ZSWIM4: variants seen among roughly 807,000 people sequenced by gnomAD.
The protein encoded by ZSWIM4 is zinc finger SWIM domain-containing protein 4.
Under a neutral mutation model 102.5 loss-of-function variants are expected in ZSWIM4, and 62 were observed. That is an observed-to-expected ratio of 0.60 (90% confidence interval 0.49 to 0.75). The LOEUF (loss-of-function observed/expected upper bound fraction) is 0.75. Ranked by LOEUF, ZSWIM4 falls within the 30% of genes least tolerant of loss-of-function variation. ZSWIM4 has a pLI of 0.00. For missense variants in ZSWIM4, 1,280 were observed against 1,529.6 expected (o/e 0.84, Z 2.72); for synonymous variants, 652 against 674.5 (o/e 0.97, Z 0.52).
In ZSWIM4 at chr19:13,799,777, T is replaced by G. The variant is rs1007398542; in HGVS notation, c.211T>G (p.Ser71Ala). The G allele has an allele frequency of 1.2e-6, 2 of 1,614,034 alleles. No homozygotes were observed. The highest frequency in any genetic ancestry group is 1.7e-6 in the Non-Finnish European group (2 of 1,180,012). ...CGTCCAGAAGCGCATCGTGTTTTGGTCGTTTCCACGCAGTGAACGGGAAAT... is the reference window on the plus strand; with the variant it reads ...CGTCCAGAAGCGCATCGTGTTTTGGGCGTTTCCACGCAGTGAACGGGAAAT... ...EPVQKRIVFWSFPRSEREICM... is the reference protein window; with the variant it reads ...EPVQKRIVFWAFPRSEREICM... The change falls in exon 2 of 14, where the codon TCG becomes GCG. Residue 71 changes from serine to alanine, a missense_variant. By Grantham distance (99) the Ser-to-Ala change is moderately conservative. Transcript: ENST00000590508.
chr19:13,830,944 T>G lies in ZSWIM4; in HGVS notation c.3215T>G (p.Leu1072Arg). 1 of 1,614,180 alleles carries G rather than the reference T, an allele frequency of 6.2e-7. No individual in the cohort carries two copies. The highest frequency in any genetic ancestry group is 8.5e-7 in the Non-Finnish European group (1 of 1,180,026). Residue 1072 changes from leucine to arginine, a missense_variant, in exon 14 of 14, where the codon CTG (leucine) becomes CGG (arginine). Coordinates refer to ENST00000590508, the MANE Select transcript of ZSWIM4 (RefSeq NM_001367834.3). ...FLGKARETFL[L>R]APDGHLQFSQ... ...GGCAAGGCCCGGGAGACCTTCCTGC[T>G]GGCGCCCGACGGGCACCTCCAGTTC...
intron 3 of ZSWIM4, among the ~76,000 whole-genome samples, chr19:13,807,495 T>C (rs1458116982): frequency 1.3e-5 from 2 of 151,664 alleles, no homozygotes; most frequent in African/African-American, 4.8e-5. Flanking sequence ...TCAGGAGAGA[T>C]AGATGAATGG....
intron 10 of ZSWIM4, among the ~76,000 whole-genome samples, chr19:13,822,963 GAGTGAA>G: frequency 6.7e-6 from 1 of 149,856 alleles, no homozygotes; most frequent in Non-Finnish European, 1.5e-5. Context: ...TGGGCAAAAA[GAGTGAA>G]ACTCCGTCTC....
At chr19:13,795,879 C>A in intron 1 of ZSWIM4, 78 bp downstream of exon 1, 5 of 966,896 alleles carry the variant, frequency 5.2e-6, no homozygotes, top group Non-Finnish European at 6.5e-6. Context: ...CCCCCACAAT[C>A]CCCAGACTCC....
intron 3 of ZSWIM4, among the ~76,000 whole-genome samples, chr19:13,806,364 C>A (rs941117773): frequency 1.3e-5 from 2 of 151,612 alleles, no homozygotes; most frequent in Non-Finnish European, 2.9e-5. Context: ...TTAACAATGC[C>A]GTTAGGTGAA....
In ZSWIM4 at chr19:13,804,868, C is replaced by T. The variant is rs1395037589; in HGVS notation, c.432C>T (p.Ser144=). The change falls in exon 3 of 14, where the codon AGC becomes AGT. Residue 144 remains serine, a synonymous_variant. Coordinates refer to ENST00000590508, the MANE Select transcript of ZSWIM4 (RefSeq NM_001367834.3). ...AGCGCCTCTACCATGTCTCCATCAG[C>T]TTTGATCGCTGCAAGATCACGTCCG... is the stretch of plus-strand genomic sequence containing the variant. The part of the protein sequence containing the change: ...EPERLYHVSI[S]FDRCKITSVS... 4 of 1,613,638 alleles carry T rather than the reference C, an allele frequency of 2.5e-6. No individual in the cohort carries two copies. The South Asian group carries it at 4.4e-5, about 18-fold the overall frequency.
intron 10 of ZSWIM4, among the ~76,000 whole-genome samples, chr19:13,821,887 C>T (rs577103476): frequency 2.0e-5 from 3 of 152,060 alleles, no homozygotes; most frequent in Admixed American, 6.6e-5. Context: ...CAGTCACCCA[C>T]CACCACGCCT....
In ZSWIM4 at chr19:13,830,379, C is replaced by G; in HGVS notation, c.2650C>G (p.Pro884Ala). Residue 884 changes from proline (P) to alanine (A), a missense_variant, in exon 14 of 14, where the codon CCT becomes GCT. By Grantham distance (27) the Pro-to-Ala change is conservative (BLOSUM62 -1). Coordinates refer to ENST00000590508, the MANE Select transcript of ZSWIM4 (RefSeq NM_001367834.3). ...GGCCTTGCAGTGCGCGATGAAGGAC[C>G]CTCAGAACTGCGCCTTGCCTGCCCT... ...TLALQCAMKD[P>A]QNCALPALTL... The G allele has an allele frequency of 1.2e-6, 2 of 1,612,906 alleles. No homozygotes were observed. Among genetic ancestry groups the G allele is most frequent in the Non-Finnish European group, 1.7e-6 (2 of 1,179,986 alleles).
chr19:13,808,256 C>A (rs774719607), intron 3 of ZSWIM4, among the ~76,000 whole-genome samples: 2 of 151,774 alleles, frequency 1.3e-5, no homozygotes, highest in African/African-American at 4.8e-5. Context: ...TATCAGATGA[C>A]TAAGTGGATG....
intron 10 of ZSWIM4, among the ~76,000 whole-genome samples, 162 bp downstream of exon 10, chr19:13,819,654 A>AT (rs1555715240): frequency 5.3e-5 from 8 of 150,250 alleles, no homozygotes; most frequent in South Asian, 2.1e-4. Context: ...TTTCATTATT[A>AT]TTATTTATTT....
chr19:13,805,203 C>A, intron 3 of ZSWIM4, 55 bp downstream of exon 3: 2 of 1,455,398 alleles, frequency 1.4e-6, no homozygotes, highest in Non-Finnish European at 1.9e-6. Flanking sequence ...CACAGCCACG[C>A]CACTTGCTGT....
chr19:13,799,658 G>C, intron 1 of ZSWIM4, 62 bp from the exon 2 acceptor site: 1 of 1,541,366 alleles, frequency 6.5e-7, no homozygotes, highest in African/African-American at 1.4e-5. Flanking sequence ...TCCCTCCTAA[G>C]CTTCCCAAAG....
intron 13 of ZSWIM4, among the ~76,000 whole-genome samples, chr19:13,829,355 C>G (rs893348001): frequency 1.3e-5 from 2 of 152,130 alleles, no homozygotes; most frequent in Admixed American, 6.5e-5. Flanking sequence ...CTTTGGGAGG[C>G]CAAGGCATGT....
chr19:13,830,727 C>A lies in ZSWIM4; in HGVS notation c.2998C>A (p.Leu1000Met). The change falls in exon 14 of 14, where the codon CTG becomes ATG. Residue 1000 changes from leucine (L) to methionine (M), a missense_variant. By Grantham distance (15) the Leu-to-Met change is conservative. Coordinates refer to ENST00000590508, the MANE Select transcript of ZSWIM4 (RefSeq NM_001367834.3). The part of the protein sequence containing the change: ...IHCAPMLSDI[L>M]RRWTLSAPGL... ...CTGTGCCCCAATGCTGTCCGATATT[C>A]TGCGCCGCTGGACTCTCTCGGCGCC... 6.2e-7 allele frequency: 1 copy of A among 1,608,346 alleles called. No individual in the cohort carries two copies.
rs1351510160 is a variant in ZSWIM4, at chr19:13,799,576, A to G, written c.154-144A>G. The stretch of plus-strand genomic sequence containing the variant: ...CAGGCGTGAGCCATCGTGCCCGGCC[A>G]GTTTTTTTGTAAAGATGGGAGCCTC... On this transcript the variant is annotated intron_variant, in intron 1 of 13. Coordinates refer to ENST00000590508, the MANE Select transcript of ZSWIM4 (RefSeq NM_001367834.3). 4 of 790,658 alleles carry G rather than the reference A, an allele frequency of 5.1e-6. No homozygotes were observed. The African/African-American group carries it at 7.0e-5, about 14-fold the overall frequency. The allele number at this position is 790,658 out of a possible 1,614,324, so 49.0% of individuals were successfully genotyped here.
At chr19:13,802,072 T>C (rs1974786525) in intron 2 of ZSWIM4, among the ~76,000 whole-genome samples, 1 of 149,508 alleles carries the variant, frequency 6.7e-6, no homozygotes, top group Admixed American at 6.7e-5. Context: ...ACTTCCTGGG[T>C]TCACACCATT....
chr19:13,795,882 C>G, intron 1 of ZSWIM4, 81 bp downstream of exon 1: 1 of 966,600 alleles, frequency 1.0e-6, no homozygotes, highest in Non-Finnish European at 1.3e-6. Flanking sequence ...CCACAATCCC[C>G]AGACTCCAGA....
chr19:13,831,138 GTAT>G lies in ZSWIM4; in HGVS notation c.*94_*96del. 3.4e-6 allele frequency: 5 copies of G among 1,483,560 alleles called. No individual in the cohort carries two copies. Among genetic ancestry groups the G allele is most frequent in the Non-Finnish European group, 3.6e-6 (4 of 1,119,970 alleles). 91.9% of individuals were successfully genotyped at this position (1,483,560 alleles called of 1,614,324 possible). ...CCAATTAGGCCCACGTGGCATTTCA[GTAT>G]TATTAAGTCAGGGAAGGAGCCCGGC... On this transcript the variant is annotated 3_prime_UTR_variant, in exon 14 of 14. Transcript: ENST00000590508.
At chr19:13,795,899 CCAAT>C (rs1226536563) in intron 1 of ZSWIM4, 98 bp downstream of exon 1, 1 of 809,518 alleles carries the variant, frequency 1.2e-6, no homozygotes, top group Non-Finnish European at 1.6e-6. Flanking sequence ...CAGAGCTAAC[CCAAT>C]CAGAGACACC....
Sources: allele counts gnomAD v4.1 joint callset (sites outside exome capture counted in the v4.1 genomes callset), GRCh38; gene constraint gnomAD v4.1.1; transcripts MANE v1.5; gene names NCBI Gene and HGNC (gene_info 2026-07-23, HGNC 2026-07-21).